COL4A5: variants seen among roughly 807,000 people sequenced by gnomAD.
The protein encoded by COL4A5 is collagen alpha-5(IV) chain.
In COL4A5, 26 loss-of-function variants were observed where a neutral mutation model predicts 130.2. The observed-to-expected ratio is 0.20, with a 90% CI of 0.15 to 0.28. COL4A5 has a LOEUF of 0.28. COL4A5 is among the 10% of genes least tolerant of loss of function. The pLI, the probability that COL4A5 is intolerant of heterozygous loss-of-function variation, is 1.00. For synonymous variants in COL4A5, 496 were observed against 439.6 expected, an observed-to-expected ratio of 1.13 and a Z score of -1.60; for missense variants, 1,131 against 1,344.3, an observed-to-expected ratio of 0.84 and a Z score of 2.48.
intron 1 of COL4A5, among the ~76,000 whole-genome samples, chrX:108,532,012 G>C (rs1298520531): frequency 9.0e-6 from 1 of 111,071 alleles, no homozygotes; most frequent in African/African-American, 3.3e-5. Flanking sequence ...AATCGTACAA[G>C]ACAGAAATAA....
chrX:108,597,436 T>C lies in COL4A5; in HGVS notation c.1647T>C (p.Asp549=), dbSNP rs1569493998. Residue 549 remains aspartate, a synonymous_variant, in exon 24 of 53, where the codon GAT becomes GAC. Coordinates refer to ENST00000328300, the MANE Select transcript of COL4A5 (RefSeq NM_033380.3). ...GFPGSKGEPG[D]ILTFPGMKGD... The stretch of plus-strand genomic sequence containing the variant: ...CTGGATCTAAAGGTGAACCTGGTGA[T>C]ATCCTCACTTTTCCAGGAATGAAGG... 1 of 1,211,126 alleles carries C rather than the reference T, an allele frequency of 8.3e-7. No individual in the cohort carries two copies. The highest frequency in any genetic ancestry group is 3.0e-5 in the East Asian group (1 of 33,817).
chrX:108,548,981 T>C (rs1364451802), intron 2 of COL4A5, among the ~76,000 whole-genome samples: 1 of 111,759 alleles, frequency 8.9e-6, no homozygotes, highest in African/African-American at 3.2e-5. Flanking sequence ...TAAAGAAATT[T>C]CTTCAGGCTA....
At chrX:108,465,413 C>T (rs2064696299) in intron 1 of COL4A5, among the ~76,000 whole-genome samples, 1 of 111,411 alleles carries the variant, frequency 9.0e-6, no homozygotes, top group Non-Finnish European at 1.9e-5. Flanking sequence ...ATTCTCAAAT[C>T]TTTGCCCATT....
At chrX:108,547,462 C>T (rs2065677963) in intron 2 of COL4A5, among the ~76,000 whole-genome samples, 1 of 111,611 alleles carries the variant, frequency 9.0e-6, no homozygotes, top group Admixed American at 9.5e-5. Context: ...CTGATCGTTC[C>T]TCTGGAAGTT....
intron 1 of COL4A5, among the ~76,000 whole-genome samples, chrX:108,506,717 G>A (rs1011072892): frequency 9.0e-6 from 1 of 110,671 alleles, no homozygotes; most frequent in Admixed American, 9.6e-5. Context: ...GTACGATTTG[G>A]TTCCATAGAC....
intron 1 of COL4A5, among the ~76,000 whole-genome samples, chrX:108,475,603 C>T (rs1224057633): frequency 9.0e-6 from 1 of 110,819 alleles, no homozygotes; most frequent in Non-Finnish European, 1.9e-5. Flanking sequence ...GGGATCTTCA[C>T]CCACCAGAGG....
In COL4A5 at chrX:108,615,001, T is replaced by A. The variant is rs1339599990; in HGVS notation, c.2486T>A (p.Ile829Asn). ...GVQGPPGPPG[I>N]PGPIGQPGLH... The stretch of plus-strand genomic sequence containing the variant: ...CAGGGACCACCAGGACCACCAGGGA[T>A]TCCTGGGCCAATAGGTCAACCTGGT... Residue 829 changes from isoleucine (I) to asparagine (N), a missense_variant, in exon 30 of 53, where the codon ATT becomes AAT. Transcript: ENST00000328300. 8.3e-7 allele frequency: 1 copy of A among 1,204,211 alleles called. No individual in the cohort carries two copies. Among genetic ancestry groups the A allele is most frequent in the East Asian group, 3.0e-5 (1 of 33,817 alleles).
chrX:108,483,195 A>G (rs757004229), intron 1 of COL4A5, among the ~76,000 whole-genome samples: 1 of 103,824 alleles, frequency 9.6e-6, no homozygotes, highest in African/African-American at 3.6e-5. Context: ...GGACAGAACT[A>G]ATAGGATATG....
intron 43 of COL4A5, 31 bp downstream of exon 43, chrX:108,674,784 T>C (rs2068274206): frequency 8.5e-7 from 1 of 1,180,892 alleles, no homozygotes; most frequent in Non-Finnish European, 1.1e-6. Context: ...ATTCTTTTTT[T>C]TTTTTTTTTT....
chrX:108,590,694 T>C (rs896648422), intron 19 of COL4A5, among the ~76,000 whole-genome samples: 1 of 111,991 alleles, frequency 8.9e-6, no homozygotes, highest in Non-Finnish European at 1.9e-5. Flanking sequence ...GAATCACCAG[T>C]GTAACAGAAG....
intron 1 of COL4A5, among the ~76,000 whole-genome samples, chrX:108,529,298 C>T (rs193144111): frequency 1.3e-3 from 146 of 111,381 alleles, no homozygotes; most frequent in African/African-American, 4.7e-3. Flanking sequence ...TAGACTGACC[C>T]TACAAGAAAT....
At position 108,655,364 on chromosome X, in the gene COL4A5, C is replaced by A. The variant is rs773912490; in HGVS notation, c.3280C>A (p.Pro1094Thr). ...EPGLPGYPGN[P>T]GIKGSVGDPG... ...TGGTCTGCCTGGATACCCAGGGAAC[C>A]CTGGTATCAAAGGTTCTGTGGGAGA... is the stretch of plus-strand genomic sequence containing the variant. The change falls in exon 37 of 53, where the codon CCT (proline) becomes ACT (threonine). Residue 1094 changes from proline (P) to threonine (T), a missense_variant. Transcript: ENST00000328300. The A allele has an allele frequency of 1.1e-5, 13 of 1,210,320 alleles. No homozygotes were observed. In the South Asian group the frequency reaches 2.1e-4, roughly 20 times the overall value.
At chrX:108,586,857 CT>C in intron 19 of COL4A5, 110 bp downstream of exon 19, 1 of 842,959 alleles carries the variant, frequency 1.2e-6, no homozygotes, top group Non-Finnish European at 1.8e-6. Flanking sequence ...GACACAAGTC[CT>C]TTTTAATTGA....
chrX:108,460,361 C>T (rs775257417), intron 1 of COL4A5, among the ~76,000 whole-genome samples: 1 of 111,307 alleles, frequency 9.0e-6, no homozygotes, highest in East Asian at 2.8e-4. Context: ...AATTAATCAC[C>T]CTAGGCCGTG....
chrX:108,455,224 T>C (rs1158718640), intron 1 of COL4A5, among the ~76,000 whole-genome samples: 2 of 111,909 alleles, frequency 1.8e-5, no homozygotes, highest in Non-Finnish European at 3.8e-5. Flanking sequence ...CTTATTTCAC[T>C]TAGCATAATT....
At chrX:108,442,623 A>G (rs1320134943) in intron 1 of COL4A5, among the ~76,000 whole-genome samples, 2 of 111,362 alleles carry the variant, frequency 1.8e-5, no homozygotes, top group East Asian at 5.6e-4. Context: ...ATTTTTGTCT[A>G]CTTTAAACGT....
At chrX:108,533,354 T>C (rs2065411381) in intron 1 of COL4A5, among the ~76,000 whole-genome samples, 1 of 111,369 alleles carries the variant, frequency 9.0e-6, no homozygotes, top group South Asian at 3.7e-4. Context: ...TGGACCCGTA[T>C]TTCTCACCAT....
intron 1 of COL4A5, among the ~76,000 whole-genome samples, chrX:108,518,320 A>AT (rs1287814103): frequency 1.8e-5 from 2 of 111,615 alleles, no homozygotes; most frequent in East Asian, 5.6e-4. Flanking sequence ...AGCTGTAGGC[A>AT]TAGCTTCCCC....
At chrX:108,518,092 T>C (rs1376995162) in intron 1 of COL4A5, among the ~76,000 whole-genome samples, 4 of 111,221 alleles carry the variant, frequency 3.6e-5, no homozygotes, top group Non-Finnish European at 7.6e-5. Context: ...TGCTATTGAA[T>C]AAAATAGCGT....
Sources: gnomAD v4.1 joint callset for allele counts (sites outside exome capture counted in the v4.1 genomes callset) on GRCh38, gnomAD v4.1.1 for gene constraint, MANE v1.5 for transcripts, NCBI Gene and HGNC (gene_info 2026-07-23, HGNC 2026-07-21) for gene names.